Variants in SENP6 observed in about 807,000 individuals in gnomAD.
SENP6 encodes sentrin-specific protease 6.
A neutral mutation model predicts 134.5 loss-of-function variants in SENP6; 41 were observed. The observed-to-expected ratio is 0.30, with a 90% CI of 0.24 to 0.40. The LOEUF (loss-of-function observed/expected upper bound fraction) is 0.40, where lower values mean the gene tolerates loss of function less well. Among genes scored for constraint, SENP6 ranks in the 10% least tolerant of loss-of-function variants. The pLI is 1.00. For synonymous variants in SENP6, 395 were observed against 429.8 expected (o/e 0.92, Z 1.00); for missense variants, 1,248 against 1,312.5 (o/e 0.95, Z 0.76).
chr6:75,711,507 T>A, intron 21 of SENP6, 91 bp downstream of exon 21: 1 of 730,218 alleles, frequency 1.4e-6, no homozygotes, highest in Non-Finnish European at 2.2e-6. Flanking sequence ...AATAAATACT[T>A]AAGCAAAACT....
intron 16 of SENP6, among the ~76,000 whole-genome samples, chr6:75,694,280 T>G (rs1176625920): frequency 6.6e-6 from 1 of 152,200 alleles, no homozygotes. Context: ...TTAGAACCAA[T>G]GTAAGATCAC....
chr6:75,663,805 TG>T (rs67836527), intron 9 of SENP6, among the ~76,000 whole-genome samples: 98,141 of 135,672 alleles, frequency 0.72, 35,789 homozygotes, highest in Admixed American at 0.79. Context: ...CTGCTGATAG[TG>T]GGTTTTTTTT....
At position 75,715,844 on chromosome 6, in the gene SENP6, C is replaced by A; in HGVS notation, c.*250C>A. 3.8e-6 allele frequency: 1 copy of A among 263,574 alleles called. No individual in the cohort carries two copies. The highest frequency in any genetic ancestry group is 7.1e-6 in the Non-Finnish European group (1 of 140,342). The allele number at this position is 263,574 out of a possible 1,614,324, so 16.3% of individuals were successfully genotyped here. On this transcript the variant is annotated 3_prime_UTR_variant, in exon 24 of 24. Coordinates refer to ENST00000447266, the MANE Select transcript of SENP6 (RefSeq NM_015571.4). ...TTAGGAAGCTTTTGTTATGTATTTTCTGTTAATAGTACCTAAAATTGCAAC... is the reference window on the plus strand; with the variant it reads ...TTAGGAAGCTTTTGTTATGTATTTTATGTTAATAGTACCTAAAATTGCAAC...
chr6:75,606,561 A>C (rs577860243), intron 1 of SENP6, among the ~76,000 whole-genome samples: 2 of 152,354 alleles, frequency 1.3e-5, no homozygotes, highest in South Asian at 4.1e-4. Flanking sequence ...AAAGTAAAAA[A>C]TAATAAAATA....
chr6:75,653,139 T>C (rs688398), intron 7 of SENP6, among the ~76,000 whole-genome samples: 29,763 of 152,148 alleles, frequency 0.2, 3,363 homozygotes, highest in African/African-American at 0.31. Flanking sequence ...CAAGCGATTT[T>C]CCTGCCTCAC....
intron 16 of SENP6, among the ~76,000 whole-genome samples, chr6:75,692,900 C>A (rs1456512545): frequency 6.6e-6 from 1 of 151,972 alleles, no homozygotes; most frequent in Non-Finnish European, 1.5e-5. Context: ...CCCATGTTTA[C>A]CCCCACCAAA....
chr6:75,671,290 C>T (rs1230659134), intron 11 of SENP6, among the ~76,000 whole-genome samples: 3 of 152,268 alleles, frequency 2.0e-5, no homozygotes, highest in East Asian at 3.9e-4. Context: ...GTATTCTAAA[C>T]ATTGTTGCTA....
At chr6:75,658,373 A>G (rs1771504463) in intron 7 of SENP6, among the ~76,000 whole-genome samples, 2 of 152,128 alleles carry the variant, frequency 1.3e-5, no homozygotes, top group Non-Finnish European at 2.9e-5. Flanking sequence ...TTTAAAAACC[A>G]AATGATAAAA....
intron 2 of SENP6, 108 bp downstream of exon 2, chr6:75,621,733 A>G: frequency 1.6e-6 from 1 of 629,676 alleles, no homozygotes; most frequent in Non-Finnish European, 2.7e-6. Flanking sequence ...TTCTTAAGAA[A>G]ACATATAACT....
intron 5 of SENP6, among the ~76,000 whole-genome samples, chr6:75,635,650 C>G (rs1338303901): frequency 1.3e-5 from 2 of 151,980 alleles, no homozygotes; most frequent in Admixed American, 6.6e-5. Context: ...ATTATTGTAT[C>G]AAATAGTGTT....
chr6:75,675,668 A>G (rs1773031588), intron 12 of SENP6, 192 bp from the exon 13 acceptor site: 1 of 763,028 alleles, frequency 1.3e-6, no homozygotes, highest in Admixed American at 3.0e-5. Flanking sequence ...ACCCCTTTTC[A>G]TTTGGAAAAA....
intron 2 of SENP6, 100 bp downstream of exon 2, chr6:75,621,725 C>A: frequency 9.1e-6 from 6 of 661,180 alleles, no homozygotes; most frequent in South Asian, 6.3e-5. Flanking sequence ...GTATGGTATT[C>A]TTAAGAAAAC....
At chr6:75,689,178 G>A (rs983963030) in intron 16 of SENP6, among the ~76,000 whole-genome samples, 12 of 152,158 alleles carry the variant, frequency 7.9e-5, no homozygotes, top group African/African-American at 2.9e-4. Context: ...GCTACGGTGA[G>A]CTATGATTAC....
intron 1 of SENP6, among the ~76,000 whole-genome samples, chr6:75,617,846 T>G (rs146223299): frequency 6.6e-6 from 1 of 152,226 alleles, no homozygotes; most frequent in Non-Finnish European, 1.5e-5. Context: ...TCTTTCCTTG[T>G]TTTTCATAAC....
intron 1 of SENP6, among the ~76,000 whole-genome samples, chr6:75,617,846 T>C (rs146223299): frequency 2.0e-5 from 3 of 152,344 alleles, no homozygotes; most frequent in African/African-American, 7.2e-5. Context: ...TCTTTCCTTG[T>C]TTTTCATAAC....
At chr6:75,662,326 G>T (rs890916082) in intron 8 of SENP6, among the ~76,000 whole-genome samples, 28 of 152,018 alleles carry the variant, frequency 1.8e-4, no homozygotes, top group Admixed American at 1.8e-3. Context: ...GGAGAGATTG[G>T]ATGTCGCTAT....
intron 16 of SENP6, among the ~76,000 whole-genome samples, chr6:75,684,199 A>G (rs1052959739): frequency 2.6e-5 from 4 of 151,988 alleles, no homozygotes; most frequent in Non-Finnish European, 2.9e-5. Context: ...CTCTCTGTTT[A>G]TCTGTTAATG....
At chr6:75,709,037 TA>T (rs1170661845) in intron 19 of SENP6, among the ~76,000 whole-genome samples, 1 of 152,246 alleles carries the variant, frequency 6.6e-6, no homozygotes, top group Non-Finnish European at 1.5e-5. Context: ...TACTTGTAGT[TA>T]ATGTTCATTT....
chr6:75,666,993 G>T, intron 10 of SENP6, 52 bp downstream of exon 10: 1 of 1,314,648 alleles, frequency 7.6e-7, no homozygotes, highest in Non-Finnish European at 1.1e-6. Flanking sequence ...CCATTTTGGG[G>T]TGTAAATTTT....
Sources: allele counts gnomAD v4.1 joint callset (sites outside exome capture counted in the v4.1 genomes callset), GRCh38; gene constraint gnomAD v4.1.1; transcripts MANE v1.5; gene names NCBI Gene and HGNC (gene_info 2026-07-23, HGNC 2026-07-21).